The following KLHL12 variants were observed in gnomAD, a reference collection of about 807,000 sequenced individuals.
The protein encoded by KLHL12 is kelch like family member 12, also known as kelch-like protein 12.
In KLHL12, 17 loss-of-function variants were observed where a neutral mutation model predicts 60.8. The observed-to-expected ratio is 0.28, with a 90% CI of 0.19 to 0.42. KLHL12 has a LOEUF of 0.42. Among genes scored for constraint, KLHL12 ranks in the 10% least tolerant of loss-of-function variants. KLHL12 has a pLI of 1.00. For missense variants in KLHL12, 468 were observed against 722.3 expected (o/e 0.65, Z 4.04); for synonymous variants, 220 against 250.9 (o/e 0.88, Z 1.16).
chr1:202,911,899 A>C, intron 4 of KLHL12: 1 of 837,092 alleles, frequency 1.2e-6, no homozygotes, highest in South Asian at 1.3e-5. Context: ...CAATGAAGAA[A>C]GCCTGAGGAG....
At position 202,891,818 on chromosome 1, in the gene KLHL12, C is replaced by T. The variant is rs1045431037; in HGVS notation, c.*715G>A. The T allele has an allele frequency of 5.3e-5, 8 of 152,170 alleles. No homozygotes were observed. The highest frequency in any genetic ancestry group is 1.9e-4 in the African/African-American group (8 of 41,434). The allele number at this position is 152,170 out of a possible 1,614,324, so 9.4% of individuals were successfully genotyped here. A position where few individuals can be genotyped will look rare whatever the true frequency, so the allele number is the denominator to read the frequency against. On this transcript the variant is annotated 3_prime_UTR_variant, in exon 12 of 12. Transcript: ENST00000367261. ...AAAGACCTCGGGGAAATAAAAAGAT[C>T]CTTCAAATAATATACCCTTCTCAGT...
intron 6 of KLHL12, among the ~76,000 whole-genome samples, chr1:202,906,412 G>C (rs1318929054): frequency 7.6e-6 from 1 of 132,324 alleles, no homozygotes. Flanking sequence ...CAAAGATTAT[G>C]CCACTGCACT....
chr1:202,916,588 G>A (rs1336958553), intron 4 of KLHL12, among the ~76,000 whole-genome samples: 1 of 152,186 alleles, frequency 6.6e-6, no homozygotes, highest in Non-Finnish European at 1.5e-5. Flanking sequence ...AGGTTACAGT[G>A]AGCTGAGATC....
At chr1:202,912,749 G>T in intron 4 of KLHL12, 1 of 1,384,348 alleles carries the variant, frequency 7.2e-7, no homozygotes, top group Non-Finnish European at 1.0e-6. Flanking sequence ...ACAAAGCTTA[G>T]CTGGAGAGGA....
In KLHL12 at chr1:202,918,402, A is replaced by C; in HGVS notation, c.350-14T>G. On this transcript the variant is annotated splice_polypyrimidine_tract_variant and intron_variant, in intron 3 of 11. Coordinates refer to ENST00000367261, the MANE Select transcript of KLHL12 (RefSeq NM_021633.4). ...CTTGTTTCACACCTAGGACAGACAC[A>C]GGCAGCAAACACTTTAGAATAGTTG... 1 of 1,600,282 alleles carries C rather than the reference A, an allele frequency of 6.2e-7. No individual in the cohort carries two copies. Among genetic ancestry groups the C allele is most frequent in the Non-Finnish European group, 8.6e-7 (1 of 1,167,396 alleles).
intron 4 of KLHL12, chr1:202,912,398 T>G (rs1660390613): frequency 1.2e-6 from 1 of 808,656 alleles, no homozygotes. Flanking sequence ...GCCAAAGAAG[T>G]CGAAGTGGTT....
intron 2 of KLHL12, among the ~76,000 whole-genome samples, chr1:202,922,587 C>T (rs1046971151): frequency 6.6e-5 from 10 of 151,574 alleles, no homozygotes; most frequent in African/African-American, 2.4e-4. Flanking sequence ...CCCGGGTTCA[C>T]GCCATTCTCC....
At chr1:202,908,952 G>T in intron 6 of KLHL12, 58 bp downstream of exon 6, 1 of 1,059,122 alleles carries the variant, frequency 9.4e-7, no homozygotes, top group Non-Finnish European at 1.5e-6. Flanking sequence ...CAACTATGTT[G>T]TCACCTGCAA....
chr1:202,905,431 A>T (rs1660151630), intron 6 of KLHL12, among the ~76,000 whole-genome samples: 2 of 152,228 alleles, frequency 1.3e-5, no homozygotes, highest in Non-Finnish European at 2.9e-5. Flanking sequence ...AAGAACTGGT[A>T]ACCCAGAGAA....
rs72752781 is a variant in KLHL12 at position 202,918,644 on chromosome 1, C to T, written c.350-256G>A. Among the ~76,000 whole-genome samples the T allele has an allele frequency of 0.18, 26,813 of 152,154 alleles. 3,062 individuals are homozygous for T. Among genetic ancestry groups the T allele is most frequent in the East Asian group, 0.43 (2,216 of 5,164 alleles). On this transcript the variant is annotated intron_variant, in intron 3 of 11. Coordinates refer to ENST00000367261, the MANE Select transcript of KLHL12 (RefSeq NM_021633.4). ...TGAGTATTGCAAGATGAATCACATC[C>T]AGAGACCTGGCACAATTCAACAAAA...
At position 202,891,330 on chromosome 1, in the gene KLHL12, G is replaced by C. The variant is rs1659669127; in HGVS notation, c.*1203C>G. The C allele has an allele frequency of 6.6e-6, 1 of 152,580 alleles. No homozygotes were observed. Among genetic ancestry groups the C allele is most frequent in the South Asian group, 2.1e-4 (1 of 4,828 alleles). 9.5% of individuals were successfully genotyped at this position (152,580 alleles called of 1,614,324 possible). On this transcript the variant is annotated 3_prime_UTR_variant, in exon 12 of 12. Transcript: ENST00000367261. ...GAATGGTAGCTCAGAAATGTTGATAGCTGAGGTACTGAAACTAACAAAAGG... is the reference window on the plus strand; with the variant it reads ...GAATGGTAGCTCAGAAATGTTGATACCTGAGGTACTGAAACTAACAAAAGG...
intron 6 of KLHL12, among the ~76,000 whole-genome samples, chr1:202,904,603 T>C (rs1660125888): frequency 1.3e-5 from 2 of 152,230 alleles, no homozygotes; most frequent in African/African-American, 4.8e-5. Context: ...GTGAGATTTT[T>C]ATCTTTTTAA....
chr1:202,901,262 G>C (rs1341464419), intron 6 of KLHL12, among the ~76,000 whole-genome samples: 1 of 151,952 alleles, frequency 6.6e-6, no homozygotes, highest in East Asian at 1.9e-4. Flanking sequence ...ATGTATAAAG[G>C]AGTTTGTTTT....
rs1660579852 is a variant in KLHL12 at position 202,918,205 on chromosome 1, T to A, written c.533A>T (p.Glu178Val). The A allele has an allele frequency of 6.2e-7, 1 of 1,613,922 alleles. No homozygotes were observed. The highest frequency in any genetic ancestry group is 8.5e-7 in the Non-Finnish European group (1 of 1,179,988). The change falls in exon 4 of 12, where the codon GAG (glutamate) becomes GTG (valine). Residue 178 changes from glutamate (E) to valine (V), a missense_variant. Physicochemically the swap from Glu to Val is moderately radical, Grantham distance 121. Coordinates refer to ENST00000367261, the MANE Select transcript of KLHL12 (RefSeq NM_021633.4). Reference sequence around the variant, plus strand: ...GTCGCACTTGATTAGCTTTTCCACCTCTCCTTGACTCAGAAGAATGAACTC... The same window carrying A: ...GTCGCACTTGATTAGCTTTTCCACCACTCCTTGACTCAGAAGAATGAACTC... ...HEEFILLSQG[E>V]VEKLIKCDEI...
chr1:202,914,119 A>C (rs1007869297), intron 4 of KLHL12, among the ~76,000 whole-genome samples: 1 of 152,244 alleles, frequency 6.6e-6, no homozygotes, highest in Non-Finnish European at 1.5e-5. Context: ...CCAGGTACAG[A>C]GAGCATTAGA....
intron 4 of KLHL12, among the ~76,000 whole-genome samples, chr1:202,913,300 G>C (rs2102440181): frequency 6.6e-6 from 1 of 152,238 alleles, no homozygotes; most frequent in African/African-American, 2.4e-5. Flanking sequence ...CACCTGAATA[G>C]AGGTCCTGTG....
In KLHL12 at chr1:202,925,050, C is replaced by A. The variant is rs1291876383; in HGVS notation, c.113G>T (p.Arg38Ile). 4.3e-6 allele frequency: 7 copies of A among 1,614,170 alleles called. No homozygotes were observed. Among genetic ancestry groups the A allele is most frequent in the Non-Finnish European group, 5.9e-6 (7 of 1,180,040 alleles). Residue 38 changes from arginine (R) to isoleucine (I), a missense_variant, in exon 2 of 12, where the codon AGA (arginine) becomes ATA (isoleucine). Arg to Ile is a moderately conservative substitution (Grantham distance 97). This residue lies in a region of KLHL12 where 61 missense variants were observed against 59.9 expected (regional missense o/e 1.02). Transcript: ENST00000367261. Reference protein sequence around the residue: ...KSNTLCDVTLRVEQKDFPAHR... With the variant: ...KSNTLCDVTLIVEQKDFPAHR... The stretch of plus-strand genomic sequence containing the variant: ...GGCAGGGAAGTCTTTCTGCTCTACT[C>A]TCAATGTCACATCACAGAGGGTATT...
At chr1:202,894,128 A>C in intron 10 of KLHL12, 56 bp downstream of exon 10, 1 of 951,300 alleles carries the variant, frequency 1.1e-6, no homozygotes, top group Non-Finnish European at 1.6e-6. Flanking sequence ...CCACCATTAT[A>C]TATGTAAAGG....
At chr1:202,900,201 C>T (rs990700575) in intron 6 of KLHL12, among the ~76,000 whole-genome samples, 1 of 151,838 alleles carries the variant, frequency 6.6e-6, no homozygotes, top group Admixed American at 6.6e-5. Context: ...ATTTCTGTTG[C>T]TTTATATAAC....
Sources: allele counts gnomAD v4.1 joint callset (sites outside exome capture counted in the v4.1 genomes callset), GRCh38; gene constraint gnomAD v4.1.1; regional missense constraint gnomAD v4.1.1; transcripts MANE v1.5; gene names NCBI Gene and HGNC (gene_info 2026-07-23, HGNC 2026-07-21).